Variants in HMCN1 observed in about 807,000 individuals in gnomAD.
HMCN1 encodes hemicentin-1.
Under a neutral mutation model 625.9 loss-of-function variants are expected in HMCN1, and 321 were observed. That is an observed-to-expected ratio of 0.51 (90% CI 0.47 to 0.56). The LOEUF (loss-of-function observed/expected upper bound fraction) is 0.56. Among genes scored for constraint, HMCN1 ranks in the 20% least tolerant of loss-of-function variants. HMCN1 has a pLI of 0.00. For missense variants in HMCN1, 6,588 were observed against 6,887.3 expected (o/e 0.96, Z 1.54); for synonymous variants, 2,425 against 2,417.6 (o/e 1.00, Z -0.09).
chr1:186,119,746 G>GCCT lies in HMCN1; in HGVS notation c.11961_11963dup (p.Pro3988dup). On this transcript the variant is annotated inframe_insertion and splice_region_variant, in exon 79 of 107. Coordinates refer to ENST00000271588, the MANE Select transcript of HMCN1 (RefSeq NM_031935.3). The stretch of plus-strand genomic sequence containing the variant: ...TTTTGTTGATTGGTTTTTTTATAGA[G>GCCT]CCTCCAGTCATTCAGCCCCAACCAA... The GCCT allele has an allele frequency of 6.2e-7, 1 of 1,613,674 alleles. No individual in the cohort carries two copies. Among genetic ancestry groups the GCCT allele is most frequent in the Non-Finnish European group, 8.5e-7 (1 of 1,179,818 alleles).
intron 36 of HMCN1, among the ~76,000 whole-genome samples, chr1:186,025,491 C>T (rs1294596504): frequency 6.6e-6 from 1 of 152,128 alleles, no homozygotes; most frequent in African/African-American, 2.4e-5. Context: ...TCTGTGAGCC[C>T]GTGTTTGGAA....
chr1:186,160,849 T>C (rs1466256136), intron 97 of HMCN1, among the ~76,000 whole-genome samples: 6 of 150,794 alleles, frequency 4.0e-5, no homozygotes, highest in African/African-American at 9.9e-5. Context: ...AAGTATGTGG[T>C]CAATTTTGGA....
At chr1:185,847,692 G>T (rs1436040166) in intron 2 of HMCN1, among the ~76,000 whole-genome samples, 1 of 152,142 alleles carries the variant, frequency 6.6e-6, no homozygotes, top group Non-Finnish European at 1.5e-5. Flanking sequence ...GCTCACGCCT[G>T]TAATCCCAGT....
Position 186,007,185 on chromosome 1 carries a change from T to C in HMCN1, c.4533T>C (p.His1511=), listed in dbSNP as rs1388965063. The change falls in exon 30 of 107, where the codon CAT becomes CAC. Residue 1511 remains histidine, a synonymous_variant. Transcript: ENST00000271588. ...TTCTAGACAGAGGACAAGTCTTACA[T>C]TTAAAGAATGCACGGAGAAATGACA... ...VELLDRGQVL[H]LKNARRNDKG... is the part of the protein sequence containing the mutation. 4.3e-6 allele frequency: 7 copies of C among 1,613,212 alleles called. No individual in the cohort carries two copies. The highest frequency in any genetic ancestry group is 5.9e-6 in the Non-Finnish European group (7 of 1,179,366).
intron 6 of HMCN1, among the ~76,000 whole-genome samples, chr1:185,917,111 G>A (rs897141065): frequency 3.9e-5 from 6 of 152,162 alleles, no homozygotes; most frequent in African/African-American, 1.4e-4. Context: ...GCAACATCAT[G>A]TTGGGAGCTA....
At chr1:185,894,993 A>T (rs16824657) in intron 4 of HMCN1, among the ~76,000 whole-genome samples, 1 of 152,058 alleles carries the variant, frequency 6.6e-6, no homozygotes, top group African/African-American at 2.4e-5. Flanking sequence ...TAGAGTTATC[A>T]ATTTGGCTTT....
chr1:185,839,869 A>C (rs1435335481), intron 1 of HMCN1, among the ~76,000 whole-genome samples: 1 of 152,186 alleles, frequency 6.6e-6, no homozygotes, highest in East Asian at 1.9e-4. Flanking sequence ...TAAGTGGATA[A>C]TCTCTTTGGA....
At chr1:186,074,976 T>C in intron 53 of HMCN1, 85 bp downstream of exon 53, 4 of 1,104,046 alleles carry the variant, frequency 3.6e-6, no homozygotes, top group Non-Finnish European at 4.0e-6. Context: ...TTTTAAACAG[T>C]GTTTTTTTCT....
At chr1:186,106,551 A>G in intron 69 of HMCN1, among the ~76,000 whole-genome samples, 1 of 152,200 alleles carries the variant, frequency 6.6e-6, no homozygotes, top group East Asian at 1.9e-4. Context: ...ATTTAAACCC[A>G]TGAATATTTG....
In HMCN1 at chr1:186,016,995, T is replaced by C; in HGVS notation, c.5224T>C (p.Ser1742Pro). Residue 1742 changes from serine (S) to proline (P), a missense_variant, in exon 33 of 107, where the codon TCT (serine) becomes CCT (proline). Ser to Pro is a moderately conservative substitution (Grantham distance 74). Transcript: ENST00000271588. ...PPAIEGGDET[S>P]YFIVMVNNLL... ...AGCTATAGAAGGAGGAGATGAAACATCTTACTTCATTGTGATGGTTAATAA... is the reference window on the plus strand; with the variant it reads ...AGCTATAGAAGGAGGAGATGAAACACCTTACTTCATTGTGATGGTTAATAA... 1 of 1,608,296 alleles carries C rather than the reference T, an allele frequency of 6.2e-7. No homozygotes were observed. The highest frequency in any genetic ancestry group is 1.3e-5 in the African/African-American group (1 of 74,878).
intron 1 of HMCN1, among the ~76,000 whole-genome samples, chr1:185,809,791 T>C (rs1296650060): frequency 1.3e-5 from 2 of 152,116 alleles, no homozygotes; most frequent in African/African-American, 4.8e-5. Flanking sequence ...GTGATTTATT[T>C]TGTCACTTCT....
chr1:186,147,948 C>A (rs986472697), intron 93 of HMCN1, among the ~76,000 whole-genome samples: 1 of 152,140 alleles, frequency 6.6e-6, no homozygotes, highest in Admixed American at 6.6e-5. Flanking sequence ...ATGACATTTG[C>A]CACATCAATT....
intron 34 of HMCN1, 49 bp downstream of exon 34, chr1:186,018,401 A>G (rs1240664857): frequency 6.8e-7 from 1 of 1,479,520 alleles, no homozygotes; most frequent in Non-Finnish European, 9.5e-7. Context: ...TAATTTATGC[A>G]TTGTTTTATT....
At chr1:185,978,068 A>C (rs1292944668) in intron 16 of HMCN1, 87 bp downstream of exon 16, 4 of 964,452 alleles carry the variant, frequency 4.1e-6, no homozygotes, top group Non-Finnish European at 4.7e-6. Context: ...TATTTAAAAT[A>C]GTATATTAAT....
chr1:185,735,962 C>G (rs763905722), intron 1 of HMCN1, among the ~76,000 whole-genome samples: 12 of 152,176 alleles, frequency 7.9e-5, no homozygotes, highest in Non-Finnish European at 1.5e-4. Context: ...TCTTAACAGT[C>G]CTCCCCCACT....
intron 64 of HMCN1, among the ~76,000 whole-genome samples, chr1:186,091,187 A>ATTTTT (rs1659824235): frequency 2.0e-5 from 3 of 152,020 alleles, no homozygotes; most frequent in Admixed American, 2.0e-4. Flanking sequence ...CATTAACTGT[A>ATTTTT]ATGTTAACTG....
intron 42 of HMCN1, among the ~76,000 whole-genome samples, chr1:186,051,773 A>G (rs973585204): frequency 3.9e-5 from 6 of 152,052 alleles, no homozygotes; most frequent in African/African-American, 1.4e-4. Context: ...GGTAAACAGA[A>G]GAATAGGCAG....
chr1:186,137,010 C>T, intron 87 of HMCN1, 73 bp downstream of exon 87: 1 of 1,546,714 alleles, frequency 6.5e-7, no homozygotes. Context: ...TTATTAAGCA[C>T]TTTAGTCCAA....
intron 4 of HMCN1, among the ~76,000 whole-genome samples, chr1:185,901,989 G>A (rs1162938133): frequency 6.6e-6 from 1 of 151,598 alleles, no homozygotes; most frequent in Non-Finnish European, 1.5e-5. Flanking sequence ...TATATGTTGG[G>A]GGTGGGAAGA....
Sources: allele counts gnomAD v4.1 joint callset (sites outside exome capture counted in the v4.1 genomes callset), GRCh38; gene constraint gnomAD v4.1.1; transcripts MANE v1.5; gene names NCBI Gene and HGNC (gene_info 2026-07-23, HGNC 2026-07-21).